The following AHI1 variants were observed in gnomAD, a reference collection of about 807,000 sequenced individuals.
The protein encoded by AHI1 is jouberin.
A neutral mutation model predicts 149.3 loss-of-function variants in AHI1; 123 were observed. The ratio of observed to expected loss-of-function variants is 0.82; its 90% CI spans 0.71 to 0.96. The LOEUF is 0.96. Among genes scored for constraint, AHI1 ranks in the 40% least tolerant of loss-of-function variants. The probability of loss-of-function intolerance (pLI) is 0.00; values close to 1 mark genes in which losing one functional copy is unlikely to be tolerated. For synonymous variants in AHI1, 475 were observed against 459.8 expected, an observed-to-expected ratio of 1.03 and a Z score of -0.42; for missense variants, 1,439 against 1,422.7, an observed-to-expected ratio of 1.01 and a Z score of -0.18.
rs1789843102 is a variant in AHI1 at position 135,338,914 on chromosome 6, G to A, written c.3166-15590C>T. Among the ~76,000 whole-genome samples the A allele has an allele frequency of 4.0e-5, 6 of 151,126 alleles. No individual in the cohort carries two copies. The South Asian group carries it at 1.0e-3, about 26-fold the overall frequency. On this transcript the variant is annotated intron_variant, in intron 24 of 28. Transcript: ENST00000265602. Reference sequence around the variant, plus strand: ...AGCTCCCTGAAAAGCTCCATTCCCAGAGCTCATCTTTCCTTTTTTTTTTTT... The same window carrying A: ...AGCTCCCTGAAAAGCTCCATTCCCAAAGCTCATCTTTCCTTTTTTTTTTTT...
chr6:135,489,707 T>C (rs1397849815), intron 5 of AHI1, among the ~76,000 whole-genome samples: 1 of 152,166 alleles, frequency 6.6e-6, no homozygotes, highest in African/African-American at 2.4e-5. Flanking sequence ...GTATACACTA[T>C]GAACCCTCAC....
chr6:135,487,883 A>G (rs1185514930), intron 5 of AHI1, among the ~76,000 whole-genome samples: 1 of 152,022 alleles, frequency 6.6e-6, no homozygotes, highest in Non-Finnish European at 1.5e-5. Flanking sequence ...ATGGTACTAC[A>G]TCTTTAATAA....
intron 8 of AHI1, among the ~76,000 whole-genome samples, chr6:135,458,694 A>G (rs780675705): frequency 3.3e-5 from 5 of 152,200 alleles, no homozygotes; most frequent in African/African-American, 9.6e-5. Flanking sequence ...ATATTTTGGC[A>G]TGCTTGGGGG....
At chr6:135,455,406 T>G (rs1788773739) in intron 10 of AHI1, among the ~76,000 whole-genome samples, 1 of 152,220 alleles carries the variant, frequency 6.6e-6, no homozygotes. Flanking sequence ...GAGTTTATGC[T>G]TTGTGAAATG....
At position 135,358,213 on chromosome 6, in the gene AHI1, T is replaced by C. The variant is rs538369905; in HGVS notation, c.3110-26A>G. ...CTGTGGAAAGAAAACATTGTGAGTA[T>C]TTGGTTATTAAGCCTGTCCATTTTA... On this transcript the variant is annotated intron_variant, in intron 23 of 28. Coordinates refer to ENST00000265602, the MANE Select transcript of AHI1 (RefSeq NM_001134831.2). 5 of 1,597,394 alleles carry C rather than the reference T, an allele frequency of 3.1e-6. No homozygotes were observed. The South Asian group carries it at 4.5e-5, about 14-fold the overall frequency.
intron 24 of AHI1, among the ~76,000 whole-genome samples, chr6:135,326,614 G>A (rs191057302): frequency 0.01 from 1,533 of 151,814 alleles, 8 homozygotes; most frequent in Non-Finnish European, 0.016. Context: ...AGGCTGGAGT[G>A]CAGTGGCGCC....
At chr6:135,493,868 C>T (rs538200744) in intron 3 of AHI1, among the ~76,000 whole-genome samples, 5 of 152,068 alleles carry the variant, frequency 3.3e-5, no homozygotes, top group Non-Finnish European at 7.4e-5. Context: ...CATGGTAAAA[C>T]CCCATCTCTA....
chr6:135,394,879 T>C lies in AHI1; in HGVS notation c.3006A>G (p.Ser1002=), dbSNP rs1354524196. 1.9e-6 allele frequency: 3 copies of C among 1,599,680 alleles called. No homozygotes were observed. Among genetic ancestry groups the C allele is most frequent in the Non-Finnish European group, 1.7e-6 (2 of 1,172,050 alleles). ...AGGAAACTGCTGGTGGTGAAGTAAA[T>C]GAGAGATTTTTGTTGACCTGTATTA... The part of the protein sequence containing the change: ...SCAAKVNKNL[S]FTSPPAVSSQ... The change falls in exon 23 of 29, where the codon TCA becomes TCG. Residue 1002 remains serine, a synonymous_variant. Transcript: ENST00000265602.
chr6:135,454,888 T>C (rs896684251), intron 10 of AHI1, among the ~76,000 whole-genome samples: 1 of 152,154 alleles, frequency 6.6e-6, no homozygotes, highest in Non-Finnish European at 1.5e-5. Context: ...ATTTGTATCA[T>C]AAATACAAAT....
At chr6:135,317,995 C>A (rs1786234452) in intron 26 of AHI1, among the ~76,000 whole-genome samples, 1 of 152,110 alleles carries the variant, frequency 6.6e-6, no homozygotes, top group Non-Finnish European at 1.5e-5. Context: ...GATTAATATC[C>A]CTGAAGGGTC....
chr6:135,309,751 G>C (rs561571237), intron 26 of AHI1, among the ~76,000 whole-genome samples: 36 of 152,134 alleles, frequency 2.4e-4, no homozygotes, highest in African/African-American at 8.7e-4. Flanking sequence ...CAAAGTGCTG[G>C]GATTACAGAC....
intron 8 of AHI1, among the ~76,000 whole-genome samples, chr6:135,461,243 T>G (rs896243518): frequency 2.6e-5 from 4 of 152,010 alleles, no homozygotes; most frequent in African/African-American, 9.7e-5. Context: ...ATTCTGTGTT[T>G]TAAAAAATGC....
chr6:135,344,774 T>C (rs904146476), intron 24 of AHI1, among the ~76,000 whole-genome samples: 1 of 151,808 alleles, frequency 6.6e-6, no homozygotes, highest in Non-Finnish European at 1.5e-5. Flanking sequence ...CTCTTTCTTT[T>C]TAGAATTACA....
chr6:135,450,779 T>A (rs940648867), intron 11 of AHI1, among the ~76,000 whole-genome samples: 17 of 152,160 alleles, frequency 1.1e-4, no homozygotes, highest in African/African-American at 3.9e-4. Flanking sequence ...AATTATATAA[T>A]GTAGAGCTCA....
chr6:135,425,054 G>A (rs1300991627), intron 20 of AHI1, among the ~76,000 whole-genome samples: 1 of 151,752 alleles, frequency 6.6e-6, no homozygotes, highest in Non-Finnish European at 1.5e-5. Flanking sequence ...AATCTTAGAT[G>A]GCTTAAGATT....
At chr6:135,324,065 G>A (rs2064431) in intron 24 of AHI1, among the ~76,000 whole-genome samples, 82,481 of 152,030 alleles carry the variant, frequency 0.54, 22,461 homozygotes, top group Middle Eastern at 0.64. Flanking sequence ...CATGCCTGTA[G>A]TCTCAGCACT....
chr6:135,388,603 T>C (rs1015318554), intron 23 of AHI1, among the ~76,000 whole-genome samples: 5 of 152,182 alleles, frequency 3.3e-5, no homozygotes, highest in South Asian at 2.1e-4. Flanking sequence ...AACTTCAATA[T>C]ACCAAAATCT....
intron 23 of AHI1, among the ~76,000 whole-genome samples, chr6:135,364,449 G>A (rs925311161): frequency 4.7e-5 from 7 of 148,980 alleles, no homozygotes; most frequent in East Asian, 2.0e-4. Flanking sequence ...CCCAGACGAT[G>A]GGCGGCCAGG....
At chr6:135,293,294 C>T (rs1190054152) in intron 27 of AHI1, among the ~76,000 whole-genome samples, 2 of 148,114 alleles carry the variant, frequency 1.4e-5, no homozygotes, top group Non-Finnish European at 3.0e-5. Context: ...TCAAATGCTC[C>T]TATTCATTTC....
Sources: allele counts gnomAD v4.1 joint callset (sites outside exome capture counted in the v4.1 genomes callset), GRCh38; gene constraint gnomAD v4.1.1; transcripts MANE v1.5; gene names NCBI Gene and HGNC (gene_info 2026-07-23, HGNC 2026-07-21).